The following AMBRA1 variants were observed in gnomAD, a reference collection of about 807,000 sequenced individuals.
AMBRA1 encodes autophagy and beclin 1 regulator 1.
Under a neutral mutation model 125.4 loss-of-function variants are expected in AMBRA1, and 47 were observed. The observed-to-expected ratio is 0.37, with a 90% confidence interval of 0.30 to 0.48. The LOEUF (loss-of-function observed/expected upper bound fraction) is 0.48. Among genes scored for constraint, AMBRA1 ranks in the 20% least tolerant of loss-of-function variants. The probability of loss-of-function intolerance (pLI) is 0.99; values close to 1 mark genes in which losing one functional copy is unlikely to be tolerated. For missense variants in AMBRA1, 1,331 were observed against 1,693.4 expected (o/e 0.79, Z 3.76); for synonymous variants, 626 against 655.5 (o/e 0.95, Z 0.69).
intron 9 of AMBRA1, among the ~76,000 whole-genome samples, chr11:46,507,851 A>T (rs890420710): frequency 2.8e-4 from 43 of 152,332 alleles, no homozygotes; most frequent in African/African-American, 9.9e-4. Flanking sequence ...CTGATGTGGT[A>T]AAGACAGTCC....
At chr11:46,591,142 A>G (rs950282911) in intron 1 of AMBRA1, 2 of 152,194 alleles carry the variant, frequency 1.3e-5, no homozygotes, top group Non-Finnish European at 2.9e-5. Context: ...TCCATTTGTT[A>G]TTTAGCATTC....
chr11:46,447,080 A>G (rs1283976685), intron 11 of AMBRA1, among the ~76,000 whole-genome samples: 1 of 152,198 alleles, frequency 6.6e-6, no homozygotes, highest in Admixed American at 6.5e-5. Context: ...AGTACCTACA[A>G]CTTACAGGAT....
At chr11:46,502,126 C>T (rs1950863611) in intron 9 of AMBRA1, among the ~76,000 whole-genome samples, 1 of 152,050 alleles carries the variant, frequency 6.6e-6, no homozygotes, top group Non-Finnish European at 1.5e-5. Flanking sequence ...ACTGCACAGG[C>T]TGGAGAGCAG....
At chr11:46,421,840 G>T (rs147972448) in intron 14 of AMBRA1, among the ~76,000 whole-genome samples, 16 of 152,292 alleles carry the variant, frequency 1.1e-4, no homozygotes, top group Admixed American at 8.5e-4. Context: ...TGGGTGAGTT[G>T]TGAGTCCCCT....
intron 12 of AMBRA1, among the ~76,000 whole-genome samples, chr11:46,439,792 A>C (rs1947912215): frequency 6.6e-6 from 1 of 152,242 alleles, no homozygotes; most frequent in African/African-American, 2.4e-5. Flanking sequence ...GTAACACAAC[A>C]GAAAAATTGG....
rs371129735 is a variant in AMBRA1, at chr11:46,493,712, C to A, written c.2421-4G>T. ...GTACTCAGGCAGCAAGAAACGCCTACAAGAAGGAATCACATGTGAAAAGCT... is the reference window on the plus strand; with the variant it reads ...GTACTCAGGCAGCAAGAAACGCCTAAAAGAAGGAATCACATGTGAAAAGCT... On this transcript the variant is annotated splice_polypyrimidine_tract_variant and splice_region_variant and intron_variant, in intron 10 of 17. Transcript: ENST00000683756. 8.2e-5 allele frequency: 130 copies of A among 1,585,310 alleles called. No individual in the cohort carries two copies. Among genetic ancestry groups the A allele is most frequent in the Non-Finnish European group, 1.6e-5 (19 of 1,172,020 alleles).
At chr11:46,440,465 T>C (rs1947949560) in intron 12 of AMBRA1, among the ~76,000 whole-genome samples, 1 of 151,786 alleles carries the variant, frequency 6.6e-6, no homozygotes, top group Non-Finnish European at 1.5e-5. Context: ...TGAGGAGGAG[T>C]GGTAGGATTT....
intron 11 of AMBRA1, among the ~76,000 whole-genome samples, chr11:46,493,214 G>C (rs1436314679): frequency 1.3e-5 from 2 of 152,134 alleles, no homozygotes; most frequent in Non-Finnish European, 2.9e-5. Flanking sequence ...AGTACCAAAG[G>C]AGTGGAGAGG....
intron 14 of AMBRA1, among the ~76,000 whole-genome samples, chr11:46,425,308 ATTTGTGTGTGTGTGTG>A (rs1352052248): frequency 2.2e-5 from 2 of 92,878 alleles, no homozygotes; most frequent in Non-Finnish European, 3.9e-5. Flanking sequence ...TGCTTGATCC[ATTTGTGTGTGTGTGTG>A]TGTGTGTGTG....
At chr11:46,508,571 C>T (rs553437762) in intron 8 of AMBRA1, among the ~76,000 whole-genome samples, 6 of 152,304 alleles carry the variant, frequency 3.9e-5, no homozygotes, top group Admixed American at 2.6e-4. Context: ...TGTTTCTGTT[C>T]TGAGATAAGG....
chr11:46,419,136 C>T (rs1463076491), intron 14 of AMBRA1, among the ~76,000 whole-genome samples: 1 of 152,212 alleles, frequency 6.6e-6, no homozygotes, highest in Non-Finnish European at 1.5e-5. Context: ...CATTCAGGCA[C>T]ACAACTTGTT....
rs1478667180 is a variant in AMBRA1, at chr11:46,401,680, A to C, written c.3404-3737T>G. Among the ~76,000 whole-genome samples the C allele has an allele frequency of 2.6e-5, 4 of 152,288 alleles. No homozygotes were observed. The East Asian group carries it at 7.7e-4, about 29-fold the overall frequency. ...GCTGCTGGCACTCAAGTCTGAGCCC[A>C]CTGCTTGCTTGCCTATGGCTCCAGG... On this transcript the variant is annotated intron_variant, in intron 17 of 17. Coordinates refer to ENST00000683756, the MANE Select transcript of AMBRA1 (RefSeq NM_001387011.1).
chr11:46,425,870 G>A (rs1447688414), intron 14 of AMBRA1, among the ~76,000 whole-genome samples: 4 of 151,720 alleles, frequency 2.6e-5, no homozygotes, highest in Non-Finnish European at 2.9e-5. Flanking sequence ...CAGCGGGCTG[G>A]GCGTGGTGTC....
intron 11 of AMBRA1, among the ~76,000 whole-genome samples, chr11:46,462,838 G>A (rs978704509): frequency 6.7e-4 from 101 of 151,522 alleles, no homozygotes; most frequent in African/African-American, 2.3e-3. Context: ...TGCAACCTCC[G>A]CCTCCCAGGT....
At chr11:46,577,452 G>A (rs796691002) in intron 1 of AMBRA1, among the ~76,000 whole-genome samples, 88 of 152,170 alleles carry the variant, frequency 5.8e-4, no homozygotes, top group African/African-American at 2.1e-3. Context: ...GTTATCAGGG[G>A]CTGGAGGAAG....
rs190974105 is a variant in AMBRA1 at position 46,465,118 on chromosome 11, A to C, written c.2522-21520T>G. On this transcript the variant is annotated intron_variant, in intron 11 of 17. Transcript: ENST00000683756. ...CCAGCCCTAAATCACCCCAGGGCCA[A>C]GTATGGACAACTAGTGCCCACACCT... Among the ~76,000 whole-genome samples, 10 of 152,304 alleles carry C rather than the reference A, an allele frequency of 6.6e-5. No homozygotes were observed. The East Asian group carries it at 1.5e-3, about 24-fold the overall frequency.
chr11:46,492,201 TCTC>T (rs1349776178), intron 11 of AMBRA1, among the ~76,000 whole-genome samples: 2 of 152,152 alleles, frequency 1.3e-5, no homozygotes, highest in African/African-American at 4.8e-5. Flanking sequence ...TATAGTCTGC[TCTC>T]CTGCCAGGCC....
intron 12 of AMBRA1, among the ~76,000 whole-genome samples, chr11:46,438,248 G>A (rs1321944113): frequency 6.6e-6 from 1 of 152,180 alleles, no homozygotes; most frequent in Non-Finnish European, 1.5e-5. Context: ...CAGCTCCGGA[G>A]GGAGAAAAAA....
At chr11:46,440,656 A>T (rs1947959141) in intron 12 of AMBRA1, among the ~76,000 whole-genome samples, 1 of 152,246 alleles carries the variant, frequency 6.6e-6, no homozygotes, top group South Asian at 2.1e-4. Flanking sequence ...AGCAAACTTC[A>T]TTTTCAATAA....
Sources: gnomAD v4.1 joint callset for allele counts (sites outside exome capture counted in the v4.1 genomes callset) on GRCh38, gnomAD v4.1.1 for gene constraint, MANE v1.5 for transcripts, NCBI Gene and HGNC (gene_info 2026-07-23, HGNC 2026-07-21) for gene names.